Variants in SDK1 observed in about 807,000 individuals in gnomAD.
SDK1 encodes the protein protein sidekick-1.
A neutral mutation model predicts 245.5 loss-of-function variants in SDK1; 157 were observed. The observed-to-expected ratio is 0.64, with a 90% CI of 0.56 to 0.73. The LOEUF is 0.73. SDK1 is among the 30% of genes least tolerant of loss of function. The pLI, the probability that SDK1 is intolerant of heterozygous loss-of-function variation, is 0.00. For missense variants in SDK1, 3,583 were observed against 3,002.3 expected (o/e 1.19, Z -4.52); for synonymous variants, 1,647 against 1,278.5 (o/e 1.29, Z -6.15).
chr7:4,136,174 G>A (rs548194182), intron 28 of SDK1, among the ~76,000 whole-genome samples: 16 of 152,302 alleles, frequency 1.1e-4, no homozygotes, highest in African/African-American at 2.9e-4. Context: ...GGCAGACAAC[G>A]TCACTGCCGA....
chr7:3,426,476 A>G (rs915960082), intron 1 of SDK1, among the ~76,000 whole-genome samples: 1 of 152,156 alleles, frequency 6.6e-6, no homozygotes, highest in South Asian at 2.1e-4. Context: ...TTCTCTCTAA[A>G]TGGTGATAAT....
chr7:3,905,008 A>T (rs1778844400), intron 5 of SDK1, among the ~76,000 whole-genome samples: 1 of 132,794 alleles, frequency 7.5e-6, no homozygotes, highest in African/African-American at 3.4e-5. Flanking sequence ...AAAAAAAAAA[A>T]ATAATAATAA....
At chr7:3,549,582 G>A (rs1455434320) in intron 1 of SDK1, among the ~76,000 whole-genome samples, 1 of 152,218 alleles carries the variant, frequency 6.6e-6, no homozygotes, top group African/African-American at 2.4e-5. Flanking sequence ...AGAATTTAGA[G>A]TGTTTACATC....
At chr7:3,861,571 A>G (rs1780693082) in intron 5 of SDK1, among the ~76,000 whole-genome samples, 1 of 152,222 alleles carries the variant, frequency 6.6e-6, no homozygotes, top group African/African-American at 2.4e-5. Flanking sequence ...ACTCATTTCC[A>G]TACTATGGAG....
intron 5 of SDK1, among the ~76,000 whole-genome samples, chr7:3,899,075 T>C (rs76609975): frequency 0.015 from 2,234 of 152,240 alleles, 56 homozygotes; most frequent in African/African-American, 0.051. Flanking sequence ...TCATGAGAAA[T>C]TTACTAAAAT....
chr7:3,498,663 T>C (rs186964719), intron 1 of SDK1, among the ~76,000 whole-genome samples: 83 of 152,264 alleles, frequency 5.5e-4, no homozygotes, highest in African/African-American at 2.0e-3. Context: ...CTTAGTCTTG[T>C]ATGTGTTTCT....
At chr7:3,341,770 G>T (rs73048618) in intron 1 of SDK1, among the ~76,000 whole-genome samples, 24,506 of 152,166 alleles carry the variant, frequency 0.16, 1,969 homozygotes, top group South Asian at 0.22. Context: ...CAAAACTGAT[G>T]AAACAAATCA....
intron 17 of SDK1, among the ~76,000 whole-genome samples, chr7:4,042,932 A>T (rs549435822): frequency 6.6e-6 from 1 of 152,372 alleles, no homozygotes; most frequent in African/African-American, 2.4e-5. Flanking sequence ...GACAAAGAGA[A>T]GCCGAAGACC....
At chr7:3,425,951 C>T (rs942930560) in intron 1 of SDK1, among the ~76,000 whole-genome samples, 2 of 152,344 alleles carry the variant, frequency 1.3e-5, no homozygotes, top group South Asian at 4.1e-4. Flanking sequence ...ATTTCATCTA[C>T]ACTATCTTCC....
intron 35 of SDK1, among the ~76,000 whole-genome samples, chr7:4,193,108 T>C (rs1184753822): frequency 1.5e-5 from 2 of 134,652 alleles, no homozygotes; most frequent in South Asian, 2.2e-4. Flanking sequence ...ATAATATAAA[T>C]ATATTAAAAT....
chr7:3,389,149 C>G (rs1178621666), intron 1 of SDK1, among the ~76,000 whole-genome samples: 2 of 152,106 alleles, frequency 1.3e-5, no homozygotes, highest in Non-Finnish European at 2.9e-5. Flanking sequence ...GAATAGCATT[C>G]TAGACAAATG....
chr7:3,436,881 T>C (rs1780036990), intron 1 of SDK1, among the ~76,000 whole-genome samples: 1 of 152,198 alleles, frequency 6.6e-6, no homozygotes, highest in Non-Finnish European at 1.5e-5. Flanking sequence ...ACATAGACAA[T>C]AGAATGTTCT....
chr7:3,706,623 C>T (rs1478003011), intron 4 of SDK1, among the ~76,000 whole-genome samples: 2 of 152,126 alleles, frequency 1.3e-5, no homozygotes, highest in Non-Finnish European at 2.9e-5. Flanking sequence ...AGGATGGTTG[C>T]GATCTCCTGA....
At chr7:3,578,927 T>C (rs1161447433) in intron 1 of SDK1, among the ~76,000 whole-genome samples, 2 of 151,916 alleles carry the variant, frequency 1.3e-5, no homozygotes, top group African/African-American at 4.8e-5. Flanking sequence ...ATCCTCAGTT[T>C]ATGAAAATAA....
At chr7:3,832,580 A>G (rs1047646561) in intron 5 of SDK1, among the ~76,000 whole-genome samples, 4 of 152,248 alleles carry the variant, frequency 2.6e-5, no homozygotes, top group South Asian at 4.1e-4. Flanking sequence ...ACAATGCTGA[A>G]GACCATTAGC....
intron 8 of SDK1, among the ~76,000 whole-genome samples, chr7:3,959,366 C>A (rs143365281): frequency 6.6e-6 from 1 of 152,216 alleles, no homozygotes; most frequent in East Asian, 1.9e-4. Context: ...GCAGAAAATT[C>A]TTTCTCATCC....
At chr7:3,442,652 A>G (rs955136922) in intron 1 of SDK1, among the ~76,000 whole-genome samples, 1 of 152,204 alleles carries the variant, frequency 6.6e-6, no homozygotes, top group Admixed American at 6.5e-5. Flanking sequence ...TTTCTTTGAG[A>G]ATATGGAAAA....
At chr7:3,541,109 G>A (rs1779039865) in intron 1 of SDK1, among the ~76,000 whole-genome samples, 1 of 152,182 alleles carries the variant, frequency 6.6e-6, no homozygotes, top group Non-Finnish European at 1.5e-5. Context: ...TGTTTCTTGG[G>A]TGATACATGC....
Position 3,522,739 on chromosome 7 carries a change from T to C in SDK1, c.299-96341T>C, listed in dbSNP as rs149115724. On this transcript the variant is annotated intron_variant, in intron 1 of 44. Transcript: ENST00000404826. ...TAATCTGCAGAGGTGCTATCCTAAA[T>C]CACTGACCAATTCCAGCTTTAAGGT... 1.1e-3 allele frequency among the ~76,000 whole-genome samples: 169 copies of C among 152,274 alleles called. 1 individual carries two copies. Among genetic ancestry groups the C allele is most frequent in the African/African-American group, 3.8e-3 (158 of 41,556 alleles).
Sources: gnomAD v4.1 joint callset for allele counts (sites outside exome capture counted in the v4.1 genomes callset) on GRCh38, gnomAD v4.1.1 for gene constraint, MANE v1.5 for transcripts, NCBI Gene and HGNC (gene_info 2026-07-23, HGNC 2026-07-21) for gene names.